IFT74: variants seen among roughly 807,000 people sequenced by gnomAD.
IFT74 encodes intraflagellar transport 74, also known as intraflagellar transport protein 74 homolog.
In IFT74, 92 loss-of-function variants were observed where a neutral mutation model predicts 96.7. That is an observed-to-expected ratio of 0.95 (90% CI 0.80 to 1.13). The LOEUF (loss-of-function observed/expected upper bound fraction) is 1.13. Ranked by LOEUF, IFT74 falls within the 50% of genes most tolerant of loss-of-function variation. IFT74 has a pLI of 0.00. For synonymous variants in IFT74, 223 were observed against 213.2 expected (o/e 1.05, Z -0.40); for missense variants, 811 against 698.2 (o/e 1.16, Z -1.82).
In IFT74 at chr9:26,966,357, A is replaced by G. The variant is rs181008036; in HGVS notation, c.120+4270A>G. Among the ~76,000 whole-genome samples, 786 of 152,126 alleles carry G rather than the reference A, an allele frequency of 5.2e-3. 2 individuals are homozygous for G. The highest frequency in any genetic ancestry group is 0.027 in the Middle Eastern group (8 of 294). Reference sequence around the variant, plus strand: ...ATTTGCTATTGCCTTTCTTTTGGATAAAAGTCGTTTTAACTGGAGTGAGAT... The same window carrying G: ...ATTTGCTATTGCCTTTCTTTTGGATGAAAGTCGTTTTAACTGGAGTGAGAT... On this transcript the variant is annotated intron_variant, in intron 2 of 19. Coordinates refer to ENST00000380062, the MANE Select transcript of IFT74 (RefSeq NM_025103.4).
chr9:27,056,905 T>TAG, intron 18 of IFT74, among the ~76,000 whole-genome samples: 1 of 151,930 alleles, frequency 6.6e-6, no homozygotes, highest in Non-Finnish European at 1.5e-5. Context: ...GATAGATAGA[T>TAG]ATGTGTATAC....
intron 8 of IFT74, chr9:26,993,301 G>A (rs1312022934): frequency 6.6e-6 from 1 of 151,982 alleles, no homozygotes; most frequent in Non-Finnish European, 1.5e-5. Context: ...AAATAATTTA[G>A]CAGAATGATA....
chr9:27,041,093 G>T (rs910995276), intron 13 of IFT74, among the ~76,000 whole-genome samples: 1 of 152,054 alleles, frequency 6.6e-6, no homozygotes, highest in African/African-American at 2.4e-5. Context: ...CAGCACATAC[G>T]CATTTCTTCT....
At chr9:27,013,152 C>T (rs1829188292) in intron 10 of IFT74, among the ~76,000 whole-genome samples, 1 of 152,146 alleles carries the variant, frequency 6.6e-6, no homozygotes, top group Non-Finnish European at 1.5e-5. Flanking sequence ...AGTCCTAAAT[C>T]CCATCTTGGT....
intron 2 of IFT74, among the ~76,000 whole-genome samples, chr9:26,974,939 C>T (rs1220174107): frequency 6.6e-6 from 1 of 152,082 alleles, no homozygotes; most frequent in Non-Finnish European, 1.5e-5. Context: ...GGGGCTGACT[C>T]CTTAGGTGTG....
At chr9:27,006,825 TTG>T (rs1563968293) in intron 8 of IFT74, among the ~76,000 whole-genome samples, 26 of 146,620 alleles carry the variant, frequency 1.8e-4, no homozygotes, top group African/African-American at 5.3e-4. Context: ...TTACTTATTA[TTG>T]TGTGTTTTTT....
At chr9:26,975,240 T>C (rs1827061448) in intron 2 of IFT74, among the ~76,000 whole-genome samples, 1 of 152,146 alleles carries the variant, frequency 6.6e-6, no homozygotes, top group African/African-American at 2.4e-5. Flanking sequence ...AGGGACTCTT[T>C]CTCTTTTAGA....
At chr9:27,056,224 C>T (rs1229308748) in intron 17 of IFT74, 110 bp from the exon 18 acceptor site, 1 of 822,318 alleles carries the variant, frequency 1.2e-6, no homozygotes, top group South Asian at 1.7e-5. Flanking sequence ...GTAGTTATAG[C>T]CTTGATATAA....
chr9:27,035,023 T>C (rs972038122), intron 13 of IFT74, among the ~76,000 whole-genome samples: 1 of 152,250 alleles, frequency 6.6e-6, no homozygotes, highest in Non-Finnish European at 1.5e-5. Context: ...GATAATTAAA[T>C]AAACTTAATT....
At chr9:27,037,530 G>A (rs1819261111) in intron 13 of IFT74, among the ~76,000 whole-genome samples, 1 of 152,130 alleles carries the variant, frequency 6.6e-6, no homozygotes, top group Non-Finnish European at 1.5e-5. Flanking sequence ...AGAAGACAAA[G>A]GATACCTTTC....
At chr9:26,998,058 G>C in intron 8 of IFT74, 1 of 1,612,824 alleles carries the variant, frequency 6.2e-7, no homozygotes, top group Non-Finnish European at 8.5e-7. Context: ...CCGTTATTAT[G>C]TAAGATAGTA....
intron 6 of IFT74, among the ~76,000 whole-genome samples, chr9:26,985,701 A>G (rs780019145): frequency 1.1e-4 from 17 of 152,136 alleles, no homozygotes; most frequent in African/African-American, 3.1e-4. Flanking sequence ...AAATGCACAC[A>G]TGCTTTTCTC....
At chr9:26,950,269 G>A (rs186097765) in intron 1 of IFT74, among the ~76,000 whole-genome samples, 242 of 149,574 alleles carry the variant, frequency 1.6e-3, no homozygotes, top group African/African-American at 5.6e-3. Flanking sequence ...CTGAGATTGC[G>A]CCACTGCACT....
chr9:27,029,249 A>C lies in IFT74; in HGVS notation c.1054+145A>C, dbSNP rs531914678. 7.8e-6 allele frequency: 4 copies of C among 511,820 alleles called. No individual in the cohort carries two copies. The East Asian group carries it at 1.3e-4, about 17-fold the overall frequency. 31.7% of individuals were successfully genotyped at this position (511,820 alleles called of 1,614,324 possible). The stretch of plus-strand genomic sequence containing the variant: ...TATTACTAACTTTACTAAAATATAT[A>C]CTGTATGAGTAATATTAAAGCAATG... On this transcript the variant is annotated intron_variant, in intron 13 of 19. Transcript: ENST00000380062.
At position 26,978,128 on chromosome 9, in the gene IFT74, A is replaced by C. The variant is rs1323016608; in HGVS notation, c.121A>C (p.Met41Leu). The change falls in exon 3 of 20, where the codon ATG becomes CTG. Residue 41 changes from methionine to leucine, a missense_variant and splice_region_variant. Met to Leu is a conservative substitution (Grantham distance 15). Coordinates refer to ENST00000380062, the MANE Select transcript of IFT74 (RefSeq NM_025103.4). ...LSGNIRVATA[M>L]PPGTARPGSR... ...AAATGAAATCTTGTTTGTCATTTAGATGCCACCTGGGACAGCAAGACCAGG... is the reference window on the plus strand; with the variant it reads ...AAATGAAATCTTGTTTGTCATTTAGCTGCCACCTGGGACAGCAAGACCAGG... 6.4e-7 allele frequency: 1 copy of C among 1,572,064 alleles called. No homozygotes were observed. The highest frequency in any genetic ancestry group is 1.2e-5 in the South Asian group (1 of 82,660).
chr9:27,029,138 C>A, intron 13 of IFT74, 34 bp downstream of exon 13: 1 of 1,518,540 alleles, frequency 6.6e-7, no homozygotes, highest in Non-Finnish European at 9.0e-7. Context: ...TGTAGATTAA[C>A]AGATGTTTAG....
At chr9:27,001,047 A>G (rs1331302339) in intron 8 of IFT74, among the ~76,000 whole-genome samples, 4 of 152,116 alleles carry the variant, frequency 2.6e-5, no homozygotes, top group Non-Finnish European at 5.9e-5. Flanking sequence ...GCCGGTGAGA[A>G]TGTGTGATAT....
intron 18 of IFT74, among the ~76,000 whole-genome samples, chr9:27,057,048 A>G (rs1820198024): frequency 6.6e-6 from 1 of 152,246 alleles, no homozygotes; most frequent in South Asian, 2.1e-4. Context: ...CCTTGTCAAT[A>G]TATATATTGA....
At chr9:26,969,263 A>C (rs556499441) in intron 2 of IFT74, among the ~76,000 whole-genome samples, 1 of 152,204 alleles carries the variant, frequency 6.6e-6, no homozygotes, top group East Asian at 1.9e-4. Flanking sequence ...TGGTCAGAGA[A>C]GATACATATA....
Sources: gnomAD v4.1 joint callset for allele counts (sites outside exome capture counted in the v4.1 genomes callset) on GRCh38, gnomAD v4.1.1 for gene constraint, MANE v1.5 for transcripts, NCBI Gene and HGNC (gene_info 2026-07-23, HGNC 2026-07-21) for gene names.